The following TMEM161B variants were observed in gnomAD, a reference collection of about 807,000 sequenced individuals.
TMEM161B encodes the protein transmembrane protein 161B.
In TMEM161B, 34 loss-of-function variants were observed where a neutral mutation model predicts 61.8. The observed-to-expected ratio is 0.55, with a 90% CI of 0.42 to 0.73. The LOEUF (loss-of-function observed/expected upper bound fraction) is 0.73. Among genes scored for constraint, TMEM161B ranks in the 30% least tolerant of loss-of-function variants. TMEM161B has a pLI of 0.00. For missense variants in TMEM161B, 456 were observed against 558.5 expected (o/e 0.82, Z 1.85); for synonymous variants, 167 against 192.8 (o/e 0.87, Z 1.11).
intron 2 of TMEM161B, among the ~76,000 whole-genome samples, chr5:88,231,803 G>A (rs530641701): frequency 6.6e-6 from 1 of 152,216 alleles, no homozygotes; most frequent in East Asian, 1.9e-4. Context: ...GAAATACAGG[G>A]TTAGGTTCCT....
chr5:88,200,955 GACAGA>G, intron 9 of TMEM161B: 1 of 152,130 alleles, frequency 6.6e-6, no homozygotes, highest in East Asian at 1.9e-4. Flanking sequence ...ATTTGTCTGT[GACAGA>G]AGAAGAACCT....
chr5:88,263,238 G>C (rs1214098275), intron 1 of TMEM161B, among the ~76,000 whole-genome samples: 5 of 152,030 alleles, frequency 3.3e-5, no homozygotes, highest in African/African-American at 1.2e-4. Context: ...TCTAAAACAG[G>C]CATTTTCTAT....
At chr5:88,211,270 C>T (rs1186178765) in intron 5 of TMEM161B, among the ~76,000 whole-genome samples, 1 of 151,838 alleles carries the variant, frequency 6.6e-6, no homozygotes, top group African/African-American at 2.4e-5. Context: ...CAGATACATA[C>T]ATATTTTTAT....
intron 1 of TMEM161B, among the ~76,000 whole-genome samples, chr5:88,244,286 T>C (rs972125486): frequency 1.3e-5 from 2 of 151,942 alleles, no homozygotes; most frequent in Non-Finnish European, 2.9e-5. Context: ...TTTAAGTTTT[T>C]AATCCATCTG....
At chr5:88,249,692 A>G (rs1364105034) in intron 1 of TMEM161B, among the ~76,000 whole-genome samples, 1 of 152,092 alleles carries the variant, frequency 6.6e-6, no homozygotes, top group Non-Finnish European at 1.5e-5. Flanking sequence ...AAAAGACAAT[A>G]AAAGGCCCAT....
chr5:88,191,956 CAAAAAA>C (rs1206243754), downstream of TMEM161B, among the ~76,000 whole-genome samples: 1 of 18,062 alleles, frequency 5.5e-5, no homozygotes, highest in Non-Finnish European at 8.6e-5. Context: ...GACTCTGTCT[CAAAAAA>C]AAAAAAAAAA....
At chr5:88,226,234 T>TAAAC (rs1750028292) in intron 3 of TMEM161B, among the ~76,000 whole-genome samples, 1 of 151,920 alleles carries the variant, frequency 6.6e-6, no homozygotes, top group African/African-American at 2.4e-5. Flanking sequence ...GTGACGTGTA[T>TAAAC]AAACACACAC....
intron 1 of TMEM161B, among the ~76,000 whole-genome samples, chr5:88,263,292 A>C (rs1236746014): frequency 6.6e-6 from 1 of 152,154 alleles, no homozygotes; most frequent in Non-Finnish European, 1.5e-5. Flanking sequence ...GACATATTAC[A>C]TGCCCATTTC....
In TMEM161B at chr5:88,218,962, A is replaced by C. The variant is rs201163612; in HGVS notation, c.446+1601T>G. Among the ~76,000 whole-genome samples the C allele has an allele frequency of 2.3e-4, 12 of 53,238 alleles. No homozygotes were observed. In the East Asian group the frequency reaches 0.014, roughly 64 times the overall value. 34.9% of individuals were successfully genotyped at this position (53,238 alleles called of 152,430 possible). On this transcript the variant is annotated intron_variant, in intron 5 of 11. Transcript: ENST00000296595. ...TAGGAGGCAGACATAGAATATCTTT[A>C]AAAAGAGCTCCAATTTGAGGGAGAT... is the stretch of plus-strand genomic sequence containing the variant.
At chr5:88,198,911 A>ATTTT in intron 10 of TMEM161B, 65 bp downstream of exon 10, 5 of 1,237,920 alleles carry the variant, frequency 4.0e-6, no homozygotes, top group African/African-American at 1.6e-5. Context: ...AAGGAAACCA[A>ATTTT]TTTTTTTTTT....
chr5:88,212,557 G>A (rs1331020664), intron 5 of TMEM161B, among the ~76,000 whole-genome samples: 1 of 152,242 alleles, frequency 6.6e-6, no homozygotes, highest in Middle Eastern at 3.2e-3. Context: ...GCTGGGTCCA[G>A]CGGCTCACAC....
chr5:88,250,258 T>G (rs1280480963), intron 1 of TMEM161B, among the ~76,000 whole-genome samples: 1 of 152,036 alleles, frequency 6.6e-6, no homozygotes, highest in Admixed American at 6.5e-5. Context: ...TACCTTTTTG[T>G]TAGCTTGCCA....
chr5:88,239,198 T>A (rs1279058822), intron 2 of TMEM161B, among the ~76,000 whole-genome samples: 2 of 152,032 alleles, frequency 1.3e-5, no homozygotes, highest in East Asian at 1.9e-4. Flanking sequence ...CTAGTGAGTA[T>A]AAATTTTATA....
At position 88,197,974 on chromosome 5, in the gene TMEM161B, T is replaced by C. The variant is rs553930273; in HGVS notation, c.1090-209A>G. 61 of 407,660 alleles carry C rather than the reference T, an allele frequency of 1.5e-4. No homozygotes were observed. The East Asian group carries it at 2.4e-3, about 16-fold the overall frequency. The allele number at this position is 407,660 out of a possible 1,614,324, so 25.3% of individuals were successfully genotyped here. ...AAGACAAGTTTTTAGAACGTGAGAATATTAAAATAGATTCCTTAAAAATAA... is the reference window on the plus strand; with the variant it reads ...AAGACAAGTTTTTAGAACGTGAGAACATTAAAATAGATTCCTTAAAAATAA... On this transcript the variant is annotated intron_variant, in intron 10 of 11. Coordinates refer to ENST00000296595, the MANE Select transcript of TMEM161B (RefSeq NM_153354.5).
At chr5:88,191,982 GTATATATATATATATATATATA>G (rs67658909), downstream of TMEM161B, among the ~76,000 whole-genome samples, 21 of 19,666 alleles carry the variant, frequency 1.1e-3, no homozygotes, top group South Asian at 6.7e-3. Context: ...AAAAAAAAGT[GTATATATATATATATATATATA>G]TATATATATA....
Position 88,197,707 on chromosome 5 carries a change from A to C in TMEM161B, c.1148T>G (p.Val383Gly), listed in dbSNP as rs758722089. 1 of 1,613,100 alleles carries C rather than the reference A, an allele frequency of 6.2e-7. No homozygotes were observed. Among genetic ancestry groups the C allele is most frequent in the Non-Finnish European group, 8.5e-7 (1 of 1,179,276 alleles). ...VIALQYVAPL[V>G]MLLHTTLLLK... ...AAGCAGAGTTGTGTGAAGCAGCATT[A>C]CCAGAGGCGCCACATACTGCAGTGC... Residue 383 changes from valine (V) to glycine (G), a missense_variant, in exon 11 of 12, where the codon GTA (valine) becomes GGA (glycine). Val to Gly is a moderately radical substitution (Grantham distance 109). Transcript: ENST00000296595.
At chr5:88,186,606 A>C (rs1748368516), downstream of TMEM161B, among the ~76,000 whole-genome samples, 3 of 151,910 alleles carry the variant, frequency 2.0e-5, no homozygotes, top group Admixed American at 1.3e-4. Flanking sequence ...ATAAGTTTTT[A>C]ATTTCTATGA....
At chr5:88,252,089 T>C (rs900572261) in intron 1 of TMEM161B, among the ~76,000 whole-genome samples, 2 of 152,156 alleles carry the variant, frequency 1.3e-5, no homozygotes, top group Non-Finnish European at 2.9e-5. Context: ...ACTATGAATA[T>C]GGGTTGTAGA....
chr5:88,256,505 T>C (rs143085734), intron 1 of TMEM161B, among the ~76,000 whole-genome samples: 93 of 152,364 alleles, frequency 6.1e-4, no homozygotes, highest in Non-Finnish European at 2.6e-4. Context: ...GTTTGACATG[T>C]ACAAATCAGT....
Sources: gnomAD v4.1 joint callset for allele counts (sites outside exome capture counted in the v4.1 genomes callset) on GRCh38, gnomAD v4.1.1 for gene constraint, MANE v1.5 for transcripts, NCBI Gene and HGNC (gene_info 2026-07-23, HGNC 2026-07-21) for gene names.